The following RASSF5 variants were observed in gnomAD, a reference collection of about 807,000 sequenced individuals.
The protein encoded by RASSF5 is Ras association domain family member 5.
RASSF5 carries 25 observed loss-of-function variants against 40.5 expected under a neutral mutation model. The ratio of observed to expected loss-of-function variants is 0.62; its 90% confidence interval spans 0.45 to 0.86. The LOEUF (loss-of-function observed/expected upper bound fraction) is 0.86, where lower values mean the gene tolerates loss of function less well. Among genes scored for constraint, RASSF5 ranks in the 40% least tolerant of loss-of-function variants. The probability of loss-of-function intolerance (pLI) is 0.00; values close to 1 mark genes in which losing one functional copy is unlikely to be tolerated. For synonymous variants in RASSF5, 246 were observed against 252.4 expected (o/e 0.97, Z 0.24); for missense variants, 521 against 572.8 (o/e 0.91, Z 0.92).
At position 206,584,689 on chromosome 1, in the gene RASSF5, GAGAA is replaced by G. The variant is rs2103572179; in HGVS notation, c.988+9_988+12del. The stretch of plus-strand genomic sequence containing the variant: ...GGATACACAAGGACGGACAAGGTAG[GAGAA>G]AGAGTGAACCCAACCAGACCGTTCC... On this transcript the variant is annotated splice_donor_region_variant and intron_variant, in intron 4 of 5. Transcript: ENST00000579436. The surrounding 1 kb of genome is among the most constrained non-coding windows in gnomAD (Gnocchi z 4.9). 6.2e-7 allele frequency: 1 copy of G among 1,614,172 alleles called. No individual in the cohort carries two copies. Among genetic ancestry groups the G allele is most frequent in the Non-Finnish European group, 8.5e-7 (1 of 1,180,024 alleles).
intron 1 of RASSF5, among the ~76,000 whole-genome samples, chr1:206,510,350 C>T (rs778976774): frequency 1.3e-5 from 2 of 151,932 alleles, no homozygotes; most frequent in Non-Finnish European, 2.9e-5. Flanking sequence ...CACGTGAGTC[C>T]TGGACATCTC....
chr1:206,575,014 A>C (rs985730435), intron 2 of RASSF5, among the ~76,000 whole-genome samples: 1 of 138,400 alleles, frequency 7.2e-6, no homozygotes, highest in Non-Finnish European at 1.6e-5. Flanking sequence ...CGCACGGATA[A>C]TTTTTTTGTT....
intron 2 of RASSF5, among the ~76,000 whole-genome samples, chr1:206,556,093 T>C (rs990128413): frequency 2.6e-5 from 4 of 152,250 alleles, no homozygotes; most frequent in Middle Eastern, 3.4e-3. Context: ...TCCATGAACA[T>C]GGTAGCAAAG....
At chr1:206,571,017 C>T (rs1572350510) in intron 2 of RASSF5, among the ~76,000 whole-genome samples, 2 of 152,154 alleles carry the variant, frequency 1.3e-5, no homozygotes, top group South Asian at 4.1e-4. Flanking sequence ...ATACCATTTT[C>T]CACAGTGACT....
rs370239128 is a variant in RASSF5, at chr1:206,523,229, G to A, written c.458-14943G>A. Among the ~76,000 whole-genome samples, 59 of 150,020 alleles carry A rather than the reference G, an allele frequency of 3.9e-4. 2 individuals carry two copies. In the East Asian group the frequency reaches 7.2e-3, roughly 18 times the overall value. ...TGAGGCAGGAGAATTGCTTGAAACC[G>A]GGAGGTGGAGGTTGTGGTGAGCAGA... On this transcript the variant is annotated intron_variant, in intron 1 of 5. Transcript: ENST00000579436.
chr1:206,546,885 A>G (rs550061113), intron 2 of RASSF5, among the ~76,000 whole-genome samples: 1 of 152,232 alleles, frequency 6.6e-6, no homozygotes, highest in Non-Finnish European at 1.5e-5. Flanking sequence ...TTGAGAAATC[A>G]TAAGTAGGAC....
intron 2 of RASSF5, among the ~76,000 whole-genome samples, chr1:206,566,832 A>G (rs1307929499): frequency 2.0e-5 from 3 of 152,122 alleles, no homozygotes; most frequent in Non-Finnish European, 1.5e-5. Flanking sequence ...TCAATGGGCT[A>G]TAATTTTCTG....
intron 2 of RASSF5, among the ~76,000 whole-genome samples, chr1:206,580,474 G>C (rs1358057473): frequency 6.6e-6 from 1 of 152,170 alleles, no homozygotes; most frequent in African/African-American, 2.4e-5. Flanking sequence ...TTTCTAATTA[G>C]AAGCTCCCAG....
chr1:206,544,877 C>T (rs1447206426), intron 2 of RASSF5: 5 of 151,936 alleles, frequency 3.3e-5, no homozygotes, highest in African/African-American at 1.2e-4. Flanking sequence ...GCGGTCTCTA[C>T]CTTTCCAGAC....
intron 2 of RASSF5, among the ~76,000 whole-genome samples, chr1:206,573,270 G>A (rs936485771): frequency 1.1e-4 from 16 of 152,086 alleles, no homozygotes; most frequent in African/African-American, 3.4e-4. Context: ...CATCAATCCC[G>A]TGAGGCAATA....
At chr1:206,541,272 T>C (rs1262759521) in intron 2 of RASSF5, among the ~76,000 whole-genome samples, 1 of 152,250 alleles carries the variant, frequency 6.6e-6, no homozygotes, top group African/African-American at 2.4e-5. Context: ...CATTTTTATA[T>C]GTTCTTCCTG....
chr1:206,517,020 G>A (rs1406533267), intron 1 of RASSF5, among the ~76,000 whole-genome samples: 2 of 152,174 alleles, frequency 1.3e-5, no homozygotes, highest in African/African-American at 2.4e-5. Context: ...CACAACAAAG[G>A]CCATGGGCAG....
chr1:206,585,402 C>A, intron 5 of RASSF5, 107 bp downstream of exon 5: 2 of 800,130 alleles, frequency 2.5e-6, no homozygotes, highest in Non-Finnish European at 4.4e-6. Context: ...GCAGCACGGG[C>A]AGGAAGGTGA....
rs548780652 is a variant in RASSF5 at position 206,523,271 on chromosome 1, T to C, written c.458-14901T>C. Among the ~76,000 whole-genome samples the C allele has an allele frequency of 2.7e-5, 4 of 147,976 alleles. No homozygotes were observed. In the East Asian group the frequency reaches 7.8e-4, roughly 29 times the overall value. The stretch of plus-strand genomic sequence containing the variant: ...GTGAGCAGAGATTGTGCCACTGTGC[T>C]CCAGCCTGGGTGACAGACCAAGACT... On this transcript the variant is annotated intron_variant, in intron 1 of 5. Transcript: ENST00000579436.
chr1:206,524,110 T>G (rs1177105890), intron 1 of RASSF5, among the ~76,000 whole-genome samples: 1 of 132,790 alleles, frequency 7.5e-6, no homozygotes, highest in Non-Finnish European at 1.5e-5. Flanking sequence ...ATATAATATA[T>G]TTTATATATT....
rs61046247 is a variant in RASSF5, at chr1:206,535,979, C to T, written c.458-2193C>T. The stretch of plus-strand genomic sequence containing the variant: ...GGCATCCTCAGAGCATTCTTCATCG[C>T]TCAGAGCTCTACCAGAGCCATACAG... On this transcript the variant is annotated intron_variant, in intron 1 of 5. Coordinates refer to ENST00000579436, the MANE Select transcript of RASSF5 (RefSeq NM_182663.4). This position sits in a 1 kb window ranked among gnomAD's most constrained non-coding sequence, Gnocchi z 5.0. Among the ~76,000 whole-genome samples the T allele has an allele frequency of 8.6e-3, 1,305 of 152,254 alleles. 23 individuals carry two copies. The highest frequency in any genetic ancestry group is 0.03 in the African/African-American group (1,251 of 41,534).
At chr1:206,537,680 A>G (rs1667451858) in intron 1 of RASSF5, among the ~76,000 whole-genome samples, 1 of 152,170 alleles carries the variant, frequency 6.6e-6, no homozygotes, top group Admixed American at 6.5e-5. Context: ...TCGATGCTCA[A>G]AGAGTTTCAG....
chr1:206,568,930 T>C (rs967053921), intron 2 of RASSF5, among the ~76,000 whole-genome samples: 69 of 152,080 alleles, frequency 4.5e-4, no homozygotes, highest in African/African-American at 1.6e-3. Context: ...GCACCAAGAG[T>C]GTGCCGTGAC....
intron 1 of RASSF5, among the ~76,000 whole-genome samples, chr1:206,515,645 C>T (rs1553395303): frequency 2.0e-5 from 3 of 152,160 alleles, no homozygotes; most frequent in African/African-American, 7.2e-5. Context: ...TAATCTCAGG[C>T]AGTGATGTGG....
Sources: gnomAD v4.1 joint callset for allele counts (sites outside exome capture counted in the v4.1 genomes callset) on GRCh38, gnomAD v4.1.1 for gene constraint, Gnocchi (gnomAD v3.1) non-coding constraint, MANE v1.5 for transcripts, NCBI Gene and HGNC (gene_info 2026-07-23, HGNC 2026-07-21) for gene names.